Variants in CELF4 observed in about 807,000 individuals in gnomAD.
CELF4 encodes CUG-BP- and ETR-3-like factor 4.
In CELF4, 18 loss-of-function variants were observed where a neutral mutation model predicts 59.9. That is an observed-to-expected ratio of 0.30 (90% confidence interval 0.21 to 0.45). The LOEUF (loss-of-function observed/expected upper bound fraction) is 0.45. Among genes scored for constraint, CELF4 ranks in the 20% least tolerant of loss-of-function variants. CELF4 has a pLI of 1.00. For missense variants in CELF4, 456 were observed against 689.0 expected (o/e 0.66, Z 3.79); for synonymous variants, 261 against 267.1 (o/e 0.98, Z 0.22).
Position 37,254,058 on chromosome 18 carries a change from C to T in CELF4, c.1334-120G>A, listed in dbSNP as rs1404756607. Reference sequence around the variant, plus strand: ...GCCTGAGGCTCTCCCCCTCGGGCCCCGCCCCCGGCCCCGCCCCGGTGCCCG... The same window carrying T: ...GCCTGAGGCTCTCCCCCTCGGGCCCTGCCCCCGGCCCCGCCCCGGTGCCCG... On this transcript the variant is annotated intron_variant, in intron 11 of 12. Coordinates refer to ENST00000420428, the MANE Select transcript of CELF4 (RefSeq NM_020180.4). The surrounding 1 kb of genome is among the most constrained non-coding windows in gnomAD (Gnocchi z 5.1). The T allele has an allele frequency of 5.6e-6, 4 of 710,902 alleles. No individual in the cohort carries two copies. The highest frequency in any genetic ancestry group is 7.5e-6 in the Non-Finnish European group (4 of 530,062). The allele number at this position is 710,902 out of a possible 1,614,324, so 44.0% of individuals were successfully genotyped here.
intron 1 of CELF4, among the ~76,000 whole-genome samples, chr18:37,546,231 C>T (rs1243781446): frequency 6.6e-6 from 1 of 152,240 alleles, no homozygotes; most frequent in African/African-American, 2.4e-5. Flanking sequence ...CCCACACACA[C>T]TTGCATACAC....
At chr18:37,461,768 G>A (rs753323435) in intron 2 of CELF4, among the ~76,000 whole-genome samples, 1 of 152,178 alleles carries the variant, frequency 6.6e-6, no homozygotes, top group Non-Finnish European at 1.5e-5. Flanking sequence ...TTTCCCCCTC[G>A]TCTTGGCAGC....
intron 1 of CELF4, among the ~76,000 whole-genome samples, chr18:37,551,242 T>C (rs1023328611): frequency 6.6e-6 from 1 of 152,088 alleles, no homozygotes; most frequent in African/African-American, 2.4e-5. Context: ...GATGCCAGGA[T>C]TGTGGTCTGT....
intron 2 of CELF4, among the ~76,000 whole-genome samples, chr18:37,360,384 G>T (rs1046122595): frequency 6.6e-6 from 1 of 152,196 alleles, no homozygotes; most frequent in Non-Finnish European, 1.5e-5. Flanking sequence ...GAACCAGCCT[G>T]CTGAGCACAA....
chr18:37,553,924 C>T (rs1213358337), intron 1 of CELF4, among the ~76,000 whole-genome samples: 1 of 152,104 alleles, frequency 6.6e-6, no homozygotes, highest in East Asian at 1.9e-4. Context: ...AGAGGGCAGG[C>T]GACAGCTGGA....
intron 3 of CELF4, among the ~76,000 whole-genome samples, chr18:37,284,267 A>T (rs2094512957): frequency 6.6e-6 from 1 of 150,852 alleles, no homozygotes; most frequent in African/African-American, 2.4e-5. Context: ...ACACACCTCA[A>T]CATACAGACA....
intron 6 of CELF4, 52 bp from the exon 7 acceptor site, chr18:37,273,215 C>T (rs1484103772): frequency 6.3e-7 from 1 of 1,575,858 alleles, no homozygotes; most frequent in Non-Finnish European, 8.7e-7. Flanking sequence ...GGGCATCCCT[C>T]CCCGACAGGG....
intron 1 of CELF4, among the ~76,000 whole-genome samples, chr18:37,496,043 G>T (rs141505660): frequency 6.6e-6 from 1 of 152,012 alleles, no homozygotes; most frequent in Non-Finnish European, 1.5e-5. Context: ...ATCACTGTGG[G>T]CCTTTTCTTA....
intron 2 of CELF4, among the ~76,000 whole-genome samples, chr18:37,383,710 G>A (rs1321267391): frequency 6.6e-6 from 1 of 152,140 alleles, no homozygotes; most frequent in Non-Finnish European, 1.5e-5. Flanking sequence ...CAGGGAAGTC[G>A]GGTATTAACC....
intron 2 of CELF4, among the ~76,000 whole-genome samples, chr18:37,470,920 G>GAGAGAGAGA (rs374277745): frequency 1.2e-4 from 18 of 147,342 alleles, no homozygotes; most frequent in South Asian, 6.6e-4. Context: ...GAGAGAGAGA[G>GAGAGAGAGA]GTGGAGCCTC....
chr18:37,493,521 G>A (rs2099913450), intron 1 of CELF4, among the ~76,000 whole-genome samples: 1 of 152,220 alleles, frequency 6.6e-6, no homozygotes, highest in Admixed American at 6.5e-5. Context: ...AGTGAGCGGA[G>A]TGGCAGCAGG....
chr18:37,249,370 A>T (rs977601237), intron 12 of CELF4, among the ~76,000 whole-genome samples: 4 of 152,106 alleles, frequency 2.6e-5, no homozygotes, highest in Admixed American at 6.5e-5. Context: ...TCCAGCCCTG[A>T]GCCCTTCATG....
chr18:37,386,416 C>G (rs1036534508), intron 2 of CELF4, among the ~76,000 whole-genome samples: 1 of 152,060 alleles, frequency 6.6e-6, no homozygotes, highest in African/African-American at 2.4e-5. Flanking sequence ...TGGGGAGAGA[C>G]GGGAAGGCAG....
intron 2 of CELF4, among the ~76,000 whole-genome samples, chr18:37,389,057 C>T (rs1187427496): frequency 6.6e-6 from 1 of 152,134 alleles, no homozygotes; most frequent in Non-Finnish European, 1.5e-5. Context: ...TTAGCCCCCA[C>T]CCCAAGTTCC....
At chr18:37,516,701 C>A (rs2099950981) in intron 1 of CELF4, among the ~76,000 whole-genome samples, 1 of 152,304 alleles carries the variant, frequency 6.6e-6, no homozygotes, top group South Asian at 2.1e-4. Flanking sequence ...AAAGCCAATT[C>A]AGAACCCAGG....
At chr18:37,505,224 T>C (rs2099936451) in intron 1 of CELF4, among the ~76,000 whole-genome samples, 1 of 152,256 alleles carries the variant, frequency 6.6e-6, no homozygotes, top group African/African-American at 2.4e-5. Flanking sequence ...TTACATCTGC[T>C]TGACCCATGG....
chr18:37,394,253 C>T (rs2099209829), intron 2 of CELF4, among the ~76,000 whole-genome samples: 1 of 152,178 alleles, frequency 6.6e-6, no homozygotes, highest in African/African-American at 2.4e-5. Flanking sequence ...GCGGAGGGCG[C>T]GGGCAGCGCA....
intron 1 of CELF4, among the ~76,000 whole-genome samples, chr18:37,494,679 C>T (rs896534929): frequency 1.6e-4 from 24 of 152,142 alleles, no homozygotes; most frequent in African/African-American, 4.1e-4. Context: ...CTGGGAGAGG[C>T]CCTGAGATGT....
chr18:37,332,626 G>C (rs553446432), intron 2 of CELF4, among the ~76,000 whole-genome samples: 3 of 152,298 alleles, frequency 2.0e-5, no homozygotes, highest in Non-Finnish European at 4.4e-5. Context: ...AGTGGTCAAA[G>C]ATCCCTCCAG....
Sources: allele counts gnomAD v4.1 joint callset (sites outside exome capture counted in the v4.1 genomes callset), GRCh38; gene constraint gnomAD v4.1.1; non-coding constraint Gnocchi (gnomAD v3.1); transcripts MANE v1.5; gene names NCBI Gene and HGNC (gene_info 2026-07-23, HGNC 2026-07-21).